The following DLG4 variants were observed in gnomAD, a reference collection of about 807,000 sequenced individuals.
The protein encoded by DLG4 is disks large homolog 4.
A neutral mutation model predicts 93.8 loss-of-function variants in DLG4; 7 were observed. The observed-to-expected ratio is 0.07, with a 90% CI of 0.04 to 0.14. The LOEUF (loss-of-function observed/expected upper bound fraction) is 0.14. DLG4 is among the 10% of genes least tolerant of loss of function. DLG4 has a pLI of 1.00. For missense variants in DLG4, 545 were observed against 992.9 expected, an observed-to-expected ratio of 0.55 and a Z score of 6.06; for synonymous variants, 341 against 387.6, an observed-to-expected ratio of 0.88 and a Z score of 1.41.
chr17:7,199,912 G>A (rs545125813), intron 8 of DLG4, among the ~76,000 whole-genome samples: 39 of 151,248 alleles, frequency 2.6e-4, no homozygotes, highest in Non-Finnish European at 3.8e-4. Flanking sequence ...CCCGGGAGGC[G>A]GAGCTTGCAG....
upstream of DLG4, chr17:7,220,013 T>G: frequency 2.5e-6 from 4 of 1,604,776 alleles, no homozygotes; most frequent in Non-Finnish European, 3.4e-6. Flanking sequence ...GCCGCGAGCT[T>G]GGGGCGGCAG....
At chr17:7,205,147 T>C (rs2070391176) in intron 2 of DLG4, 3 of 985,478 alleles carry the variant, frequency 3.0e-6, no homozygotes, top group Non-Finnish European at 3.6e-6. Context: ...CTCGCTCCCC[T>C]ACGCCCCTCA....
At position 7,217,610 on chromosome 17, in the gene DLG4, G is replaced by C. The variant is rs1341921963; in HGVS notation, c.-463C>G. On this transcript the variant is annotated 5_prime_UTR_variant, in exon 1 of 20. Transcript: ENST00000399506. ...CCGAGGGAGCCGTGGAGCCGAAGAGGGAAGGGGAGAGAGGAGGAGAGAGGA... is the reference window on the plus strand; with the variant it reads ...CCGAGGGAGCCGTGGAGCCGAAGAGCGAAGGGGAGAGAGGAGGAGAGAGGA... The C allele has an allele frequency of 2.2e-5, 31 of 1,427,906 alleles. No individual in the cohort carries two copies. The highest frequency in any genetic ancestry group is 2.9e-5 in the Non-Finnish European group (31 of 1,084,644). 88.5% of individuals were successfully genotyped at this position (1,427,906 alleles called of 1,614,324 possible). A position where few individuals can be genotyped will look rare whatever the true frequency, so the allele number is the denominator to read the frequency against.
At chr17:7,210,007 A>C (rs1340692421) in intron 1 of DLG4, among the ~76,000 whole-genome samples, 1 of 152,142 alleles carries the variant, frequency 6.6e-6, no homozygotes, top group Non-Finnish European at 1.5e-5. Flanking sequence ...ATGCCACTGC[A>C]CTCTAGCCTG....
chr17:7,192,255 G>T, intron 17 of DLG4: 1 of 417,362 alleles, frequency 2.4e-6, no homozygotes, highest in Non-Finnish European at 4.2e-6. Flanking sequence ...TGGAGGAAGG[G>T]AGGAGCACCA....
Position 7,194,820 on chromosome 17 carries a change from A to C in DLG4, c.1302-325T>G, listed in dbSNP as rs1468106743. On this transcript the variant is annotated intron_variant, in intron 11 of 19. Coordinates refer to ENST00000399506, the MANE Select transcript of DLG4 (RefSeq NM_001321075.3). This position sits in a 1 kb window ranked among gnomAD's most constrained non-coding sequence, Gnocchi z 4.4. The stretch of plus-strand genomic sequence containing the variant: ...GCCAAGGCGGGCGGATCACAAGGTC[A>C]GGAGATTGAGACCATGGTGAAACCC... Among the ~76,000 whole-genome samples, 1 of 152,096 alleles carries C rather than the reference A, an allele frequency of 6.6e-6. No individual in the cohort carries two copies. Among genetic ancestry groups the C allele is most frequent in the Non-Finnish European group, 1.5e-5 (1 of 68,006 alleles).
chr17:7,197,880 C>G (rs2069882830), intron 8 of DLG4, among the ~76,000 whole-genome samples: 2 of 152,192 alleles, frequency 1.3e-5, no homozygotes, highest in South Asian at 4.1e-4. Flanking sequence ...ACTGGCAGTT[C>G]ATTCTGGAGG....
chr17:7,207,510 G>C (rs1241567991), intron 2 of DLG4, among the ~76,000 whole-genome samples: 1 of 152,038 alleles, frequency 6.6e-6, no homozygotes, highest in East Asian at 1.9e-4. Context: ...GACAGGGCGA[G>C]CCAGGCCCAG....
chr17:7,218,202 G>T (rs1231739034), upstream of DLG4: 5 of 1,578,798 alleles, frequency 3.2e-6, no homozygotes, highest in South Asian at 1.1e-5. Context: ...AGCCCTGCCT[G>T]CCCCTCAGGA....
chr17:7,207,927 A>G (rs1016081631), intron 2 of DLG4: 1 of 531,324 alleles, frequency 1.9e-6, no homozygotes, highest in Non-Finnish European at 2.7e-6. Flanking sequence ...CCTCCCCCAG[A>G]CCCCAGGAGC....
upstream of DLG4, chr17:7,219,091 C>T (rs1326945382): frequency 8.6e-6 from 5 of 584,730 alleles, no homozygotes; most frequent in Non-Finnish European, 1.5e-5. Context: ...AGGGCCTCCT[C>T]ACAGAGGGCT....
Position 7,208,371 on chromosome 17 carries a change from C to G in DLG4, c.31-132G>C. ...CCTGGGGCCTGACCAGCTCCTCCCC[C>G]TCCCTCTCCTCTAGCCCATTGGCTC... On this transcript the variant is annotated intron_variant, in intron 1 of 19. Coordinates refer to ENST00000399506, the MANE Select transcript of DLG4 (RefSeq NM_001321075.3). The surrounding 1 kb of genome is among the most constrained non-coding windows in gnomAD (Gnocchi z 5.4). The G allele has an allele frequency of 8.2e-6, 6 of 729,204 alleles. No homozygotes were observed. The highest frequency in any genetic ancestry group is 1.2e-5 in the Non-Finnish European group (6 of 510,048). 45.2% of individuals were successfully genotyped at this position (729,204 alleles called of 1,614,324 possible). A position where few individuals can be genotyped will look rare whatever the true frequency, so the allele number is the denominator to read the frequency against.
Position 7,202,908 on chromosome 17 carries a change from G to T in DLG4, c.782C>A (p.Thr261Lys). 2 of 1,614,006 alleles carry T rather than the reference G, an allele frequency of 1.2e-6. No individual in the cohort carries two copies. The highest frequency in any genetic ancestry group is 1.7e-6 in the Non-Finnish European group (2 of 1,179,868). ...LSDSYAPPDI[T>K]TSYSQHLDNE... ...GGTGTTTGAAGGGCTCTCACAGGTT[G>T]TGATGTCTGGGGGAGCATAGCTGTC... The change falls in exon 8 of 20, where the codon ACA becomes AAA. Residue 261 changes from threonine to lysine, a missense_variant. By Grantham distance (78) the Thr-to-Lys change is moderately conservative. Around this residue, in one of 5 missense-constraint regions of DLG4, gnomAD observed 428 missense variants for 741.4 expected, o/e 0.58. Transcript: ENST00000399506.
In DLG4 at chr17:7,193,416, A is replaced by G; in HGVS notation, c.1693+67T>C. On this transcript the variant is annotated intron_variant, in intron 16 of 19. Transcript: ENST00000399506. This position sits in a 1 kb window ranked among gnomAD's most constrained non-coding sequence, Gnocchi z 6.7. ...CCCAGGAGGCTCTGCCTATGGCCCC[A>G]GGGATGGGCCTCCCCTGCCCCACCC... 1 of 1,428,652 alleles carries G rather than the reference A, an allele frequency of 7.0e-7. No homozygotes were observed. Among genetic ancestry groups the G allele is most frequent in the Non-Finnish European group, 9.4e-7 (1 of 1,069,050 alleles). The allele number at this position is 1,428,652 out of a possible 1,614,324, so 88.5% of individuals were successfully genotyped here.
In DLG4 at chr17:7,190,399, G is replaced by A. The variant is rs1307874130; in HGVS notation, c.*309C>T. 3 of 386,398 alleles carry A rather than the reference G, an allele frequency of 7.8e-6. No homozygotes were observed. Among genetic ancestry groups the A allele is most frequent in the Non-Finnish European group, 1.5e-5 (3 of 204,272 alleles). The allele number at this position is 386,398 out of a possible 1,614,324, so 23.9% of individuals were successfully genotyped here. ...GGGAGAGGATGGGGGAGGGCAGGTGGCCCCCGGTGGGTCTGTGTGTGCATT... is the reference window on the plus strand; with the variant it reads ...GGGAGAGGATGGGGGAGGGCAGGTGACCCCCGGTGGGTCTGTGTGTGCATT... On this transcript the variant is annotated 3_prime_UTR_variant, in exon 20 of 20. Coordinates refer to ENST00000399506, the MANE Select transcript of DLG4 (RefSeq NM_001321075.3).
chr17:7,191,530 G>C lies in DLG4; in HGVS notation c.1977-172C>G. The C allele has an allele frequency of 1.6e-6, 1 of 637,412 alleles. No homozygotes were observed. The allele number at this position is 637,412 out of a possible 1,614,324, so 39.5% of individuals were successfully genotyped here. On this transcript the variant is annotated intron_variant, in intron 18 of 19. Coordinates refer to ENST00000399506, the MANE Select transcript of DLG4 (RefSeq NM_001321075.3). The surrounding 1 kb of genome is among the most constrained non-coding windows in gnomAD (Gnocchi z 6.6). ...GATGAGAACCACCCCCCACCCCCCT[G>C]CCACCCGCAACCGCCCCAGCCAGGT... is the stretch of plus-strand genomic sequence containing the variant.
Position 7,217,422 on chromosome 17 carries a change from CG to C in DLG4, c.-276del. ...CGATTCTCAGGAGGGGCGGGGGCAC[CG>C]GGGGCTGGCAGCCCCGGAGTTCGGG... On this transcript the variant is annotated 5_prime_UTR_variant, in exon 1 of 20. The change abolishes the stop of an existing upstream ORF in the 5' untranslated region. Transcript: ENST00000399506. 7 of 133,696 alleles carry C rather than the reference CG, an allele frequency of 5.2e-5. No individual in the cohort carries two copies. The highest frequency in any genetic ancestry group is 8.5e-5 in the Non-Finnish European group (7 of 82,560). The allele number at this position is 133,696 out of a possible 1,614,324, so 8.3% of individuals were successfully genotyped here. A position where few individuals can be genotyped will look rare whatever the true frequency, so the allele number is the denominator to read the frequency against.
intron 1 of DLG4, chr17:7,213,967 A>G: frequency 2.4e-6 from 1 of 421,484 alleles, no homozygotes; most frequent in Non-Finnish European, 5.1e-6. Flanking sequence ...GAAAACCTGC[A>G]GGCCCTGCTT....
At chr17:7,218,485 C>T (rs1199420876), upstream of DLG4, 8 of 1,521,946 alleles carry the variant, frequency 5.3e-6, no homozygotes, top group East Asian at 4.9e-5. Context: ...AAACAGCCCC[C>T]GAAGTTCAGT....
Sources: allele counts gnomAD v4.1 joint callset (sites outside exome capture counted in the v4.1 genomes callset), GRCh38; gene constraint gnomAD v4.1.1; regional missense constraint gnomAD v4.1.1; non-coding constraint Gnocchi (gnomAD v3.1); transcripts MANE v1.5; gene names NCBI Gene and HGNC (gene_info 2026-07-23, HGNC 2026-07-21).